SLC22A2: variants seen among roughly 807,000 people sequenced by gnomAD.
SLC22A2 encodes organic cation transporter 2.
A neutral mutation model predicts 60.5 loss-of-function variants in SLC22A2; 46 were observed. The observed-to-expected ratio is 0.76, with a 90% CI of 0.60 to 0.97. The LOEUF (loss-of-function observed/expected upper bound fraction) is 0.97. Among genes scored for constraint, SLC22A2 ranks in the 50% least tolerant of loss-of-function variants. SLC22A2 has a pLI of 0.00. For synonymous variants in SLC22A2, 303 were observed against 267.0 expected (o/e 1.13, Z -1.31); for missense variants, 701 against 706.6 (o/e 0.99, Z 0.09).
intron 9 of SLC22A2, among the ~76,000 whole-genome samples, chr6:160,231,542 A>G (rs1036335159): frequency 6.6e-6 from 1 of 151,922 alleles, no homozygotes; most frequent in Non-Finnish European, 1.5e-5. Flanking sequence ...CACCTGCTAC[A>G]GCATGGGCTT....
chr6:160,234,122 G>C (rs1045634077), intron 9 of SLC22A2, among the ~76,000 whole-genome samples: 1 of 151,012 alleles, frequency 6.6e-6, no homozygotes, highest in Non-Finnish European at 1.5e-5. Flanking sequence ...AGCACATTGT[G>C]ACCCCCGCCC....
At chr6:160,232,708 C>T (rs1034311446) in intron 9 of SLC22A2, among the ~76,000 whole-genome samples, 1 of 151,766 alleles carries the variant, frequency 6.6e-6, no homozygotes, top group Non-Finnish European at 1.5e-5. Flanking sequence ...AAAAAGCAGC[C>T]ATCAAAAGGC....
intron 9 of SLC22A2, among the ~76,000 whole-genome samples, chr6:160,232,661 A>T (rs562412085): frequency 6.6e-6 from 1 of 152,012 alleles, no homozygotes; most frequent in South Asian, 2.1e-4. Context: ...ACCAGATCCC[A>T]TCGCTCAGGA....
At chr6:160,258,264 G>A in intron 1 of SLC22A2, 80 bp downstream of exon 1, 2 of 1,470,992 alleles carry the variant, frequency 1.4e-6, no homozygotes, top group South Asian at 2.6e-5. Flanking sequence ...GTTTATAAGA[G>A]CCGGGCCTTC....
chr6:160,223,894 A>T (rs1045021784), intron 10 of SLC22A2, among the ~76,000 whole-genome samples: 1 of 151,572 alleles, frequency 6.6e-6, no homozygotes, highest in Non-Finnish European at 1.5e-5. Context: ...CACCCAGATA[A>T]TTTTTTTGTA....
At chr6:160,222,332 G>T (rs1782656153) in intron 10 of SLC22A2, among the ~76,000 whole-genome samples, 1 of 152,152 alleles carries the variant, frequency 6.6e-6, no homozygotes, top group African/African-American at 2.4e-5. Context: ...GGAAACTGAG[G>T]CTTTGAGGCA....
At chr6:160,218,014 C>T (rs868328986) in intron 10 of SLC22A2, 4 of 160,640 alleles carry the variant, frequency 2.5e-5, no homozygotes, top group African/African-American at 9.6e-5. Context: ...AGAAATGCTG[C>T]TTTCTTCATT....
At chr6:160,242,448 C>A in intron 7 of SLC22A2, 46 bp from the exon 8 acceptor site, 1 of 1,054,038 alleles carries the variant, frequency 9.5e-7, no homozygotes, top group South Asian at 1.3e-5. Flanking sequence ...GATGATTCCT[C>A]ATCTTCAGAC....
At chr6:160,226,617 G>T (rs1583390771) in intron 9 of SLC22A2, among the ~76,000 whole-genome samples, 1 of 152,058 alleles carries the variant, frequency 6.6e-6, no homozygotes, top group South Asian at 2.1e-4. Flanking sequence ...TTCACCCTGT[G>T]GTTGTGTTGG....
chr6:160,234,076 C>G (rs909129901), intron 9 of SLC22A2, among the ~76,000 whole-genome samples: 1 of 152,158 alleles, frequency 6.6e-6, no homozygotes, highest in African/African-American at 2.4e-5. Context: ...GAAATTCCTT[C>G]TCCTGGCTCA....
At chr6:160,238,975 G>C (rs755501204) in intron 9 of SLC22A2, among the ~76,000 whole-genome samples, 1 of 152,098 alleles carries the variant, frequency 6.6e-6, no homozygotes, top group African/African-American at 2.4e-5. Flanking sequence ...CAGGAGGTTA[G>C]GCATTCTTAG....
At chr6:160,227,428 CT>C (rs1434733825) in intron 9 of SLC22A2, among the ~76,000 whole-genome samples, 2 of 152,182 alleles carry the variant, frequency 1.3e-5, no homozygotes, top group African/African-American at 4.8e-5. Flanking sequence ...TTTGTGTTGT[CT>C]TGCTTTTCTG....
At chr6:160,236,777 C>G (rs1176285687) in intron 9 of SLC22A2, among the ~76,000 whole-genome samples, 1 of 152,050 alleles carries the variant, frequency 6.6e-6, no homozygotes, top group African/African-American at 2.4e-5. Flanking sequence ...GACCCAGGAG[C>G]CTGAGTTACC....
chr6:160,218,179 C>T (rs1023837749), intron 10 of SLC22A2: 16 of 246,350 alleles, frequency 6.5e-5, no homozygotes, highest in South Asian at 2.9e-4. Context: ...CAATCTGAGA[C>T]GAGGGATGGC....
intron 9 of SLC22A2, among the ~76,000 whole-genome samples, chr6:160,236,720 T>C (rs1160371646): frequency 6.6e-6 from 1 of 152,214 alleles, no homozygotes; most frequent in Non-Finnish European, 1.5e-5. Context: ...ATAGTCCCTG[T>C]ACAGGGTTCC....
intron 2 of SLC22A2, among the ~76,000 whole-genome samples, chr6:160,256,231 T>TAGGATTGAGCTCAGAGGCC (rs1195899302): frequency 2.6e-5 from 4 of 151,772 alleles, no homozygotes; most frequent in Admixed American, 2.0e-4. Context: ...AAGCAGAGGA[T>TAGGATTGAGCTCAGAGGCC]AGGATTGAGC....
intron 9 of SLC22A2, among the ~76,000 whole-genome samples, chr6:160,231,367 G>T (rs1351853229): frequency 2.6e-5 from 4 of 151,396 alleles, no homozygotes; most frequent in Non-Finnish European, 5.9e-5. Context: ...TCTTCCTCTT[G>T]TATCCCCCAA....
Position 160,245,450 on chromosome 6 carries a change from C to T in SLC22A2, c.1053G>A (p.Leu351=), listed in dbSNP as rs756508061. 7 of 1,565,218 alleles carry T rather than the reference C, an allele frequency of 4.5e-6. No individual in the cohort carries two copies. In the South Asian group the frequency reaches 8.1e-5, roughly 18 times the overall value. The change falls in exon 6 of 11, where the codon TTG becomes TTA. Residue 351 remains leucine (L), a synonymous_variant. Coordinates refer to ENST00000366953, the MANE Select transcript of SLC22A2 (RefSeq NM_003058.4). ...AAAATATTCCTTACCAGTTGTACATCAATATCATAGTATGTTTCCTTATCT... is the reference window on the plus strand; with the variant it reads ...AAAATATTCCTTACCAGTTGTACATTAATATCATAGTATGTTTCCTTATCT... ...TPQIRKHTMI[L]MYNWFTSSVL...
rs2114864641 is a variant in SLC22A2 at position 160,243,703 on chromosome 6, G to A, written c.1148C>T (p.Ser383Phe). The A allele has an allele frequency of 8.1e-6, 13 of 1,614,018 alleles. No homozygotes were observed. The highest frequency in any genetic ancestry group is 1.1e-5 in the Non-Finnish European group (13 of 1,179,928). Residue 383 changes from serine to phenylalanine, a missense_variant, in exon 7 of 11, where the codon TCT (serine) becomes TTT (phenylalanine). Ser to Phe is a radical substitution (Grantham distance 155). Coordinates refer to ENST00000366953, the MANE Select transcript of SLC22A2 (RefSeq NM_003058.4). ...GGCAGCTGGGAATTCAACCAGGGCA[G>A]AGTAGAAGAAATCCAGGTAGATATT... ...GDNIYLDFFY[S>F]ALVEFPAAFM...
Sources: allele counts gnomAD v4.1 joint callset (sites outside exome capture counted in the v4.1 genomes callset), GRCh38; gene constraint gnomAD v4.1.1; transcripts MANE v1.5; gene names NCBI Gene and HGNC (gene_info 2026-07-23, HGNC 2026-07-21).